Variants in SLC5A11 observed in about 807,000 individuals in gnomAD.
SLC5A11 encodes the protein solute carrier family 5 member 11.
Under a neutral mutation model 69.8 loss-of-function variants are expected in SLC5A11, and 48 were observed. That is an observed-to-expected ratio of 0.69 (90% CI 0.55 to 0.87). The LOEUF (loss-of-function observed/expected upper bound fraction) is 0.87, where lower values mean the gene tolerates loss of function less well. Among genes scored for constraint, SLC5A11 ranks in the 40% least tolerant of loss-of-function variants. The pLI is 0.00. For missense variants in SLC5A11, 784 were observed against 866.1 expected, an observed-to-expected ratio of 0.91 and a Z score of 1.19; for synonymous variants, 319 against 342.4, an observed-to-expected ratio of 0.93 and a Z score of 0.75.
intron 7 of SLC5A11, among the ~76,000 whole-genome samples, chr16:24,877,855 G>A (rs1040673672): frequency 7.9e-5 from 12 of 152,142 alleles, no homozygotes; most frequent in African/African-American, 1.2e-4. Flanking sequence ...ATGATGGCCC[G>A]TGCCTGAAAT....
intron 7 of SLC5A11, among the ~76,000 whole-genome samples, chr16:24,881,158 A>G (rs1281172767): frequency 3.3e-5 from 5 of 151,356 alleles, no homozygotes; most frequent in Non-Finnish European, 7.4e-5. Flanking sequence ...GTGATCTGAG[A>G]TCGTGCCACT....
At chr16:24,901,569 C>T (rs901496100) in intron 10 of SLC5A11, among the ~76,000 whole-genome samples, 11 of 151,770 alleles carry the variant, frequency 7.2e-5, no homozygotes, top group Non-Finnish European at 1.6e-4. Flanking sequence ...GAGCCATGAT[C>T]AGTGCACTCC....
chr16:24,849,352 G>A (rs951142688), intron 1 of SLC5A11, among the ~76,000 whole-genome samples: 3 of 151,774 alleles, frequency 2.0e-5, no homozygotes, highest in Non-Finnish European at 2.9e-5. Flanking sequence ...TGGATCACCC[G>A]AGGTCAGGAG....
At chr16:24,865,572 T>C (rs1186084220) in intron 3 of SLC5A11, among the ~76,000 whole-genome samples, 4 of 151,924 alleles carry the variant, frequency 2.6e-5, no homozygotes. Flanking sequence ...AAGAAAAGTC[T>C]TCAATAAGAT....
At chr16:24,888,593 C>T (rs1417096612) in intron 8 of SLC5A11, among the ~76,000 whole-genome samples, 3 of 147,856 alleles carry the variant, frequency 2.0e-5, no homozygotes, top group African/African-American at 7.5e-5. Context: ...AAGTGATTCT[C>T]CTGCCTCAGC....
intron 3 of SLC5A11, among the ~76,000 whole-genome samples, chr16:24,869,292 A>G (rs1276342613): frequency 2.6e-5 from 4 of 152,058 alleles, no homozygotes. Flanking sequence ...TCACTGGTTC[A>G]ATATCTCCAG....
chr16:24,877,267 T>C, exon 7 of SLC5A11: 1 of 1,613,996 alleles, frequency 6.2e-7, no homozygotes, highest in Non-Finnish European at 8.5e-7. Context: ...GGTAGACATG[T>C]ATGCAGGTGC....
chr16:24,871,397 A>G (rs2152302510), intron 4 of SLC5A11, among the ~76,000 whole-genome samples: 1 of 152,200 alleles, frequency 6.6e-6, no homozygotes, highest in East Asian at 1.9e-4. Flanking sequence ...CAGCCTCCCA[A>G]GTAGCTGGGA....
intron 6 of SLC5A11, 42 bp from the exon 8 acceptor site, chr16:24,877,216 C>T: frequency 1.9e-6 from 3 of 1,606,758 alleles, no homozygotes; most frequent in Non-Finnish European, 2.6e-6. Flanking sequence ...CTCATTCATT[C>T]ATTCGTTCAT....
intron 7 of SLC5A11, among the ~76,000 whole-genome samples, chr16:24,882,696 C>T (rs2048123616): frequency 2.0e-5 from 3 of 152,120 alleles, no homozygotes; most frequent in Admixed American, 2.0e-4. Flanking sequence ...CCCAGGCTGG[C>T]GTGCAGTGGC....
intron 1 of SLC5A11, among the ~76,000 whole-genome samples, chr16:24,851,969 T>TTCTC (rs59768610): frequency 0.16 from 22,193 of 140,056 alleles, 2,095 homozygotes; most frequent in Non-Finnish European, 0.21. Context: ...CTTCCCTTGC[T>TTCTC]TCTCTCTCTC....
At chr16:24,875,811 C>G in intron 6 of SLC5A11, 80 bp downstream of exon 7, 7 of 1,097,598 alleles carry the variant, frequency 6.4e-6, no homozygotes, top group Non-Finnish European at 9.5e-6. Context: ...AGGAGTGTCT[C>G]CTCGCTATCC....
chr16:24,888,783 CT>C (rs1169015317), intron 8 of SLC5A11, among the ~76,000 whole-genome samples: 1,279 of 45,632 alleles, frequency 0.028, 72 homozygotes, highest in African/African-American at 0.091. Flanking sequence ...CGTGCCTGTC[CT>C]TTTTTTTTTT....
chr16:24,863,746 C>T (rs1396683302), intron 3 of SLC5A11, among the ~76,000 whole-genome samples: 2 of 152,130 alleles, frequency 1.3e-5, no homozygotes, highest in African/African-American at 4.8e-5. Flanking sequence ...AGAAAAACAG[C>T]TGGGTCTCAG....
chr16:24,906,999 GC>G, intron 11 of SLC5A11, 25 bp from the exon 13 acceptor site: 1 of 1,609,564 alleles, frequency 6.2e-7, no homozygotes, highest in East Asian at 2.2e-5. Context: ...AAGGACCGAG[GC>G]CCATGACCTC....
intron 11 of SLC5A11, 94 bp downstream of exon 12, chr16:24,906,858 G>C: frequency 7.2e-7 from 1 of 1,387,790 alleles, no homozygotes; most frequent in South Asian, 1.3e-5. Context: ...CAAGAAAGGA[G>C]GGCTGGTGGG....
At chr16:24,874,435 T>C (rs375067388) in intron 5 of SLC5A11, among the ~76,000 whole-genome samples, 2 of 152,240 alleles carry the variant, frequency 1.3e-5, no homozygotes, top group East Asian at 3.8e-4. Context: ...TCTATCCATT[T>C]ATATTCCCAC....
At chr16:24,882,997 C>T (rs2048144596) in intron 7 of SLC5A11, among the ~76,000 whole-genome samples, 1 of 152,158 alleles carries the variant, frequency 6.6e-6, no homozygotes, top group African/African-American at 2.4e-5. Context: ...CTCTGAGGCA[C>T]CATCACGATC....
chr16:24,907,115 T>A, exon 12 of SLC5A11: 1 of 1,614,122 alleles, frequency 6.2e-7, no homozygotes, highest in South Asian at 1.1e-5. Context: ...ATCTTCACCA[T>A]GGACCTCTGG....
Sources: gnomAD v4.1 joint callset for allele counts (sites outside exome capture counted in the v4.1 genomes callset) on GRCh38, gnomAD v4.1.1 for gene constraint, MANE v1.5 for transcripts, NCBI Gene and HGNC (gene_info 2026-07-23, HGNC 2026-07-21) for gene names.